Variants in TRAPPC9 observed in about 807,000 individuals in gnomAD.
The protein encoded by TRAPPC9 is IKK2 binding protein.
Under a neutral mutation model 124.0 loss-of-function variants are expected in TRAPPC9, and 83 were observed. The observed-to-expected ratio is 0.67, with a 90% CI of 0.56 to 0.80. The LOEUF (loss-of-function observed/expected upper bound fraction) is 0.80. TRAPPC9 is among the 30% of genes least tolerant of loss of function. The probability of loss-of-function intolerance (pLI) is 0.00; values close to 1 mark genes in which losing one functional copy is unlikely to be tolerated. For missense variants in TRAPPC9, 1,302 were observed against 1,508.3 expected (o/e 0.86, Z 2.27); for synonymous variants, 638 against 617.5 (o/e 1.03, Z -0.49).
intron 2 of TRAPPC9, among the ~76,000 whole-genome samples, chr8:140,441,138 C>T (rs952145023): frequency 2.0e-5 from 3 of 151,720 alleles, no homozygotes; most frequent in African/African-American, 7.3e-5. Context: ...ACCACAACAC[C>T]TGGCTAATTG....
At chr8:140,398,637 A>T (rs1023054383) in intron 6 of TRAPPC9, among the ~76,000 whole-genome samples, 2 of 152,360 alleles carry the variant, frequency 1.3e-5, no homozygotes, top group African/African-American at 4.8e-5. Flanking sequence ...TATCTGGCAG[A>T]AGAAATTTCT....
chr8:140,382,616 G>T (rs1022254197), intron 7 of TRAPPC9, among the ~76,000 whole-genome samples: 4 of 152,216 alleles, frequency 2.6e-5, no homozygotes, highest in African/African-American at 9.6e-5. Context: ...CTGGGGGGAG[G>T]CACCCACCAT....
chr8:139,728,002 A>T lies in TRAPPC9; in HGVS notation c.*3059T>A, dbSNP rs537992148. On this transcript the variant is annotated 3_prime_UTR_variant, in exon 23 of 23. Coordinates refer to ENST00000438773, the MANE Select transcript of TRAPPC9 (RefSeq NM_001160372.4). ...GGCTAGGAGAAGGGACCCAGTATTT[A>T]TTAAGAAGTTGCTATCATGTGCTAA... Among the ~76,000 whole-genome samples, 1 of 150,396 alleles carries T rather than the reference A, an allele frequency of 6.6e-6. No homozygotes were observed. The highest frequency in any genetic ancestry group is 6.6e-5 in the Admixed American group (1 of 15,102).
In TRAPPC9 at chr8:139,826,136, C is replaced by T. The variant is rs534649489; in HGVS notation, c.3055+59743G>A. On this transcript the variant is annotated intron_variant, in intron 21 of 22. Coordinates refer to ENST00000438773, the MANE Select transcript of TRAPPC9 (RefSeq NM_001160372.4). ...GACCCAACCTGGAGCCTCGTTGGTTCTCCCAGTCTTTCTAGGCCCAGAGGG... is the reference window on the plus strand; with the variant it reads ...GACCCAACCTGGAGCCTCGTTGGTTTTCCCAGTCTTTCTAGGCCCAGAGGG... Among the ~76,000 whole-genome samples the T allele has an allele frequency of 2.0e-5, 3 of 152,302 alleles. No homozygotes were observed. The South Asian group carries it at 6.2e-4, about 32-fold the overall frequency.
chr8:139,751,892 A>G (rs1267914369), intron 21 of TRAPPC9, among the ~76,000 whole-genome samples: 1 of 150,992 alleles, frequency 6.6e-6, no homozygotes, highest in African/African-American at 2.4e-5. Context: ...CCATCCATCC[A>G]TCCATCAATC....
intron 17 of TRAPPC9, chr8:140,040,074 T>G (rs6994517): frequency 1.3e-5 from 2 of 151,822 alleles, no homozygotes; most frequent in Non-Finnish European, 2.9e-5. Flanking sequence ...CTTAAGAAAT[T>G]TGAGACTCTC....
At chr8:140,434,841 G>A (rs867193835) in intron 4 of TRAPPC9, among the ~76,000 whole-genome samples, 15 of 152,024 alleles carry the variant, frequency 9.9e-5, no homozygotes, top group Non-Finnish European at 1.5e-4. Flanking sequence ...GTGGTGGCGG[G>A]CGCCTGTAAT....
At chr8:140,048,268 T>A (rs1217663501) in intron 17 of TRAPPC9, among the ~76,000 whole-genome samples, 2 of 152,184 alleles carry the variant, frequency 1.3e-5, no homozygotes, top group Admixed American at 1.3e-4. Context: ...ACGTGTCCAA[T>A]CAATTGTCAT....
At chr8:139,836,429 G>A (rs945062190) in intron 21 of TRAPPC9, among the ~76,000 whole-genome samples, 1 of 149,778 alleles carries the variant, frequency 6.7e-6, no homozygotes, top group Non-Finnish European at 1.5e-5. Flanking sequence ...TCTCCCCAGG[G>A]GCAAGTGCAT....
chr8:139,969,826 T>G (rs1195873806), intron 19 of TRAPPC9, among the ~76,000 whole-genome samples: 2 of 152,216 alleles, frequency 1.3e-5, no homozygotes, highest in Non-Finnish European at 2.9e-5. Flanking sequence ...CTGGAGTTAA[T>G]GTAACTTCAC....
At chr8:140,011,976 C>T (rs753710428) in intron 18 of TRAPPC9, among the ~76,000 whole-genome samples, 7 of 152,122 alleles carry the variant, frequency 4.6e-5, no homozygotes, top group Non-Finnish European at 1.0e-4. Flanking sequence ...CTGCGCCAGA[C>T]AATTTTTGCA....
chr8:139,836,062 G>A (rs549706092), intron 21 of TRAPPC9, among the ~76,000 whole-genome samples: 2 of 151,942 alleles, frequency 1.3e-5, no homozygotes, highest in East Asian at 1.9e-4. Flanking sequence ...AGGCTGGAGC[G>A]CAGTGGTACC....
Position 140,221,441 on chromosome 8 carries a change from T to C in TRAPPC9, c.2556+18A>G, listed in dbSNP as rs1469113465. 6.2e-7 allele frequency: 1 copy of C among 1,613,808 alleles called. No individual in the cohort carries two copies. The highest frequency in any genetic ancestry group is 8.5e-7 in the Non-Finnish European group (1 of 1,179,816). ...CCCGAACGGCACGTGGCAGATGCCG[T>C]CTGCCATACCAACTCACCTTCACGT... On this transcript the variant is annotated intron_variant, in intron 17 of 22. Transcript: ENST00000438773.
intron 21 of TRAPPC9, among the ~76,000 whole-genome samples, chr8:139,757,632 T>C (rs1359374535): frequency 1.3e-5 from 2 of 152,006 alleles, no homozygotes; most frequent in Non-Finnish European, 2.9e-5. Context: ...GTGGCTGCTC[T>C]GGCAGTGCCT....
At chr8:139,827,614 G>A (rs1825727186) in intron 21 of TRAPPC9, among the ~76,000 whole-genome samples, 2 of 152,206 alleles carry the variant, frequency 1.3e-5, no homozygotes, top group African/African-American at 4.8e-5. Flanking sequence ...GTGCCAATAA[G>A]GACTGCGTGC....
At chr8:140,272,389 G>A (rs539625935) in intron 15 of TRAPPC9, among the ~76,000 whole-genome samples, 42 of 149,620 alleles carry the variant, frequency 2.8e-4, no homozygotes, top group South Asian at 2.0e-3. Flanking sequence ...TGATGATGGT[G>A]ATGGTGGCGA....
At chr8:139,875,012 C>T (rs927982027) in intron 21 of TRAPPC9, among the ~76,000 whole-genome samples, 2 of 152,204 alleles carry the variant, frequency 1.3e-5, no homozygotes, top group African/African-American at 2.4e-5. Flanking sequence ...GGAAGTTACG[C>T]CTTCCTGAAA....
chr8:140,157,179 A>G (rs79391724), intron 17 of TRAPPC9, among the ~76,000 whole-genome samples: 890 of 51,978 alleles, frequency 0.017, 69 homozygotes, highest in African/African-American at 0.02. Context: ...TTTCCATTCA[A>G]AAGCCTCCCT....
At chr8:139,736,419 T>C (rs1818167216) in intron 21 of TRAPPC9, among the ~76,000 whole-genome samples, 1 of 152,160 alleles carries the variant, frequency 6.6e-6, no homozygotes, top group Non-Finnish European at 1.5e-5. Flanking sequence ...CAAGCAGCCG[T>C]TTCCTTCCTT....
Sources: gnomAD v4.1 joint callset for allele counts (sites outside exome capture counted in the v4.1 genomes callset) on GRCh38, gnomAD v4.1.1 for gene constraint, MANE v1.5 for transcripts, NCBI Gene and HGNC (gene_info 2026-07-23, HGNC 2026-07-21) for gene names.